COL15A1: variants seen among roughly 807,000 people sequenced by gnomAD.
The protein encoded by COL15A1 is collagen type XV alpha 1 chain.
Under a neutral mutation model 165.9 loss-of-function variants are expected in COL15A1, and 111 were observed. That is an observed-to-expected ratio of 0.67 (90% CI 0.57 to 0.78). The LOEUF is 0.78. COL15A1 is among the 30% of genes least tolerant of loss of function. The pLI, the probability that COL15A1 is intolerant of heterozygous loss-of-function variation, is 0.00. For synonymous variants in COL15A1, 659 were observed against 674.8 expected (o/e 0.98, Z 0.36); for missense variants, 1,745 against 1,789.7 (o/e 0.98, Z 0.45).
chr9:99,016,697 AT>A (rs1354173829), intron 11 of COL15A1, among the ~76,000 whole-genome samples: 14 of 152,242 alleles, frequency 9.2e-5, no homozygotes, highest in African/African-American at 3.1e-4. Flanking sequence ...TCTCTTAGAA[AT>A]AGGAAACCCA....
intron 39 of COL15A1, 151 bp downstream of exon 39, chr9:99,063,260 G>T: frequency 9.5e-7 from 1 of 1,056,964 alleles, no homozygotes; most frequent in South Asian, 2.1e-5. Flanking sequence ...ATACAGTGTG[G>T]TAAGTTGTTT....
chr9:98,973,789 G>T (rs1321607727), intron 2 of COL15A1, among the ~76,000 whole-genome samples: 1 of 152,226 alleles, frequency 6.6e-6, no homozygotes, highest in Admixed American at 6.5e-5. Context: ...TTCCAGGCCT[G>T]AAGGCTGTGG....
At chr9:99,013,550 G>GGA (rs1838879242) in intron 9 of COL15A1, among the ~76,000 whole-genome samples, 1 of 134,802 alleles carries the variant, frequency 7.4e-6, no homozygotes, top group East Asian at 2.0e-4. Flanking sequence ...CTTCCTAGGA[G>GGA]AAAAAAAAAA....
intron 16 of COL15A1, among the ~76,000 whole-genome samples, chr9:99,030,727 A>G (rs1300681322): frequency 6.6e-6 from 1 of 152,248 alleles, no homozygotes; most frequent in Non-Finnish European, 1.5e-5. Flanking sequence ...TAACAAGATC[A>G]GCCGGCCATG....
chr9:98,949,557 T>C (rs1008159201), intron 2 of COL15A1, among the ~76,000 whole-genome samples: 1 of 152,214 alleles, frequency 6.6e-6, no homozygotes, highest in Non-Finnish European at 1.5e-5. Context: ...TCACTGAGCT[T>C]AACTTCAGCA....
rs111978753 is a variant in COL15A1 at position 99,021,413 on chromosome 9, A to G, written c.1702-678A>G. ...CAGATTTGGGGACTTTACTGTGGAC[A>G]TTTCCTCTCTCCTTTTGGTGGATCT... On this transcript the variant is annotated intron_variant, in intron 12 of 41. Transcript: ENST00000375001. Among the ~76,000 whole-genome samples the G allele has an allele frequency of 1.8e-3, 276 of 152,086 alleles. 1 individual carries two copies. The highest frequency in any genetic ancestry group is 6.3e-3 in the African/African-American group (263 of 41,460).
At chr9:98,967,237 C>A (rs545111377) in intron 2 of COL15A1, among the ~76,000 whole-genome samples, 1 of 152,228 alleles carries the variant, frequency 6.6e-6, no homozygotes, top group East Asian at 1.9e-4. Flanking sequence ...AATGGGGGTT[C>A]CTAGGGAGAT....
intron 8 of COL15A1, among the ~76,000 whole-genome samples, 168 bp from the exon 9 acceptor site, chr9:99,004,730 G>A (rs1275887922): frequency 6.6e-6 from 1 of 152,106 alleles, no homozygotes; most frequent in African/African-American, 2.4e-5. Context: ...AGTGGTGTGA[G>A]GAACCAGGCT....
chr9:98,952,318 T>C (rs1264516716), intron 2 of COL15A1, among the ~76,000 whole-genome samples: 2 of 152,194 alleles, frequency 1.3e-5, no homozygotes, highest in Non-Finnish European at 2.9e-5. Context: ...TCTTCAATAG[T>C]GTAATAACTA....
rs1210777558 is a variant in COL15A1, at chr9:99,040,514, G to A, written c.2476-7G>A. 3.1e-6 allele frequency: 5 copies of A among 1,614,190 alleles called. No individual in the cohort carries two copies. Among genetic ancestry groups the A allele is most frequent in the Non-Finnish European group, 4.2e-6 (5 of 1,180,038 alleles). ...ATCCAGCGTGCTCTATCTTTGGTGT[G>A]TCACAGGGGCCGGACGGGTTGCCTG... On this transcript the variant is annotated splice_polypyrimidine_tract_variant and splice_region_variant and intron_variant, in intron 22 of 41. Coordinates refer to ENST00000375001, the MANE Select transcript of COL15A1 (RefSeq NM_001855.5).
intron 28 of COL15A1, 87 bp downstream of exon 28, chr9:99,048,087 A>C (rs1005360924): frequency 6.5e-6 from 5 of 764,800 alleles, no homozygotes; most frequent in Non-Finnish European, 7.0e-6. Flanking sequence ...CTGTGGACTG[A>C]ATGTTCAGGA....
chr9:98,969,930 C>T (rs1838018293), intron 2 of COL15A1, among the ~76,000 whole-genome samples: 1 of 152,016 alleles, frequency 6.6e-6, no homozygotes, highest in Non-Finnish European at 1.5e-5. Flanking sequence ...GTGAAGAAGT[C>T]AGGGGCTATA....
chr9:98,960,953 G>A (rs919988738), intron 2 of COL15A1, among the ~76,000 whole-genome samples: 1 of 152,208 alleles, frequency 6.6e-6, no homozygotes, highest in African/African-American at 2.4e-5. Flanking sequence ...AGTCATTTGT[G>A]TTTGGAGTTT....
At chr9:98,973,633 G>A (rs1838096867) in intron 2 of COL15A1, among the ~76,000 whole-genome samples, 2 of 152,218 alleles carry the variant, frequency 1.3e-5, no homozygotes, top group South Asian at 4.1e-4. Context: ...CTCCAGCCTG[G>A]GTGGGGCTGA....
chr9:98,945,079 T>C (rs981663539), intron 2 of COL15A1, among the ~76,000 whole-genome samples: 5 of 152,174 alleles, frequency 3.3e-5, no homozygotes, highest in South Asian at 2.1e-4. Flanking sequence ...TTAGAGAAAT[T>C]AGAAATAATG....
chr9:98,950,549 CCCCT>C (rs1837666744), intron 2 of COL15A1, among the ~76,000 whole-genome samples: 1 of 51,640 alleles, frequency 1.9e-5, no homozygotes, highest in Non-Finnish European at 3.2e-5. Context: ...CCCTTCCCTT[CCCCT>C]TCCTTCCTTC....
chr9:99,016,794 A>G (rs1588516853), intron 11 of COL15A1, among the ~76,000 whole-genome samples: 1 of 152,312 alleles, frequency 6.6e-6, no homozygotes, highest in East Asian at 1.9e-4. Flanking sequence ...CTCCTTGGTG[A>G]TCAGCATTGG....
intron 16 of COL15A1, among the ~76,000 whole-genome samples, chr9:99,030,957 T>A (rs1482757634): frequency 6.6e-6 from 1 of 151,992 alleles, no homozygotes; most frequent in African/African-American, 2.4e-5. Context: ...GTTATTGGAG[T>A]CATGTTTCCA....
At chr9:98,959,452 A>G (rs935527242) in intron 2 of COL15A1, among the ~76,000 whole-genome samples, 2 of 152,004 alleles carry the variant, frequency 1.3e-5, no homozygotes, top group African/African-American at 4.8e-5. Flanking sequence ...CAGTGCAGAG[A>G]TGACAGGAGC....
Sources: gnomAD v4.1 joint callset for allele counts (sites outside exome capture counted in the v4.1 genomes callset) on GRCh38, gnomAD v4.1.1 for gene constraint, MANE v1.5 for transcripts, NCBI Gene and HGNC (gene_info 2026-07-23, HGNC 2026-07-21) for gene names.